Variants in FBLN7 observed in about 807,000 individuals in gnomAD.
The protein encoded by FBLN7 is fibulin-7.
Under a neutral mutation model 44.0 loss-of-function variants are expected in FBLN7, and 31 were observed. The ratio of observed to expected loss-of-function variants is 0.70; its 90% confidence interval spans 0.53 to 0.95. The LOEUF (loss-of-function observed/expected upper bound fraction) is 0.95. FBLN7 is among the 40% of genes least tolerant of loss of function. The pLI is 0.00. For missense variants in FBLN7, 573 were observed against 618.5 expected (o/e 0.93, Z 0.78); for synonymous variants, 262 against 253.4 (o/e 1.03, Z -0.32).
chr2:112,192,180 G>T (rs769430359), downstream of FBLN7, among the ~76,000 whole-genome samples: 1 of 152,088 alleles, frequency 6.6e-6, no homozygotes, highest in African/African-American at 2.4e-5. Context: ...CTAGCCCTTT[G>T]CTATTAAAAA....
At chr2:112,206,665 C>T in the FBLN7 span, among the ~76,000 whole-genome samples, 1 of 151,798 alleles carries the variant, frequency 6.6e-6, no homozygotes, top group Non-Finnish European at 1.5e-5. Context: ...TGCCCTTGGC[C>T]TCCCAAAGTG....
At chr2:112,226,064 A>G in the FBLN7 span, among the ~76,000 whole-genome samples, 1 of 152,138 alleles carries the variant, frequency 6.6e-6, no homozygotes, top group Admixed American at 6.5e-5. Context: ...CCTAGGCAAC[A>G]GAGCAAGACT....
intron 1 of FBLN7, among the ~76,000 whole-genome samples, chr2:112,146,718 G>GT (rs766096559): frequency 5.1e-4 from 78 of 151,822 alleles, no homozygotes; most frequent in African/African-American, 1.0e-3. Flanking sequence ...ATTTCCAGGG[G>GT]TTTTTTTACA....
the FBLN7 span, among the ~76,000 whole-genome samples, chr2:112,235,421 T>C: frequency 9.9e-5 from 15 of 152,154 alleles, no homozygotes; most frequent in South Asian, 2.1e-4. Flanking sequence ...TGACAGGGGG[T>C]TGAGAAACAA....
chr2:112,202,408 A>G, the FBLN7 span, among the ~76,000 whole-genome samples: 1 of 151,316 alleles, frequency 6.6e-6, no homozygotes, highest in Admixed American at 6.6e-5. Flanking sequence ...TTTATATATT[A>G]CATATATAGA....
the FBLN7 span, among the ~76,000 whole-genome samples, chr2:112,239,349 A>G: frequency 6.6e-6 from 1 of 152,338 alleles, no homozygotes; most frequent in East Asian, 1.9e-4. Context: ...CAGAAAGTTT[A>G]TTTTTAAAAA....
At chr2:112,163,516 C>T (rs921677830) in intron 2 of FBLN7, among the ~76,000 whole-genome samples, 6 of 152,256 alleles carry the variant, frequency 3.9e-5, no homozygotes, top group African/African-American at 7.2e-5. Flanking sequence ...GTCGCCCATG[C>T]GTGATGCTCT....
the FBLN7 span, chr2:112,234,268 A>G: frequency 7.0e-7 from 1 of 1,431,614 alleles, no homozygotes; most frequent in South Asian, 1.3e-5. Context: ...AACTAAATGT[A>G]AGAAACAGAA....
chr2:112,229,273 G>A, the FBLN7 span, among the ~76,000 whole-genome samples: 1 of 152,140 alleles, frequency 6.6e-6, no homozygotes. Context: ...ACAAAAATAA[G>A]AATGATATGA....
chr2:112,143,075 G>A (rs1015332121), intron 1 of FBLN7, among the ~76,000 whole-genome samples: 10 of 152,160 alleles, frequency 6.6e-5, no homozygotes, highest in African/African-American at 2.4e-4. Context: ...GCTCTCCTCT[G>A]TGGCTATCCA....
At chr2:112,166,957 C>A (rs774296489) in intron 3 of FBLN7, among the ~76,000 whole-genome samples, 16 of 152,312 alleles carry the variant, frequency 1.1e-4, no homozygotes, top group Admixed American at 1.3e-4. Flanking sequence ...GTTGACAAGG[C>A]CTTCTTATCG....
the FBLN7 span, among the ~76,000 whole-genome samples, chr2:112,225,754 T>C: frequency 6.6e-6 from 1 of 152,092 alleles, no homozygotes; most frequent in East Asian, 1.9e-4. Context: ...GAGACGGAAG[T>C]TGCAGTGAGC....
downstream of FBLN7, among the ~76,000 whole-genome samples, chr2:112,191,112 G>A (rs796935838): frequency 3.3e-5 from 5 of 152,090 alleles, no homozygotes. Flanking sequence ...GAGTAGCTGG[G>A]ACTACAGGTC....
In FBLN7 at chr2:112,187,357, C is replaced by T. The variant is rs374169244; in HGVS notation, c.1171C>T (p.Arg391Trp). 41 of 1,614,048 alleles carry T rather than the reference C, an allele frequency of 2.5e-5. No homozygotes were observed. Among genetic ancestry groups the T allele is most frequent in the Admixed American group, 5.0e-5 (3 of 60,008 alleles). The change falls in exon 8 of 8, where the codon CGG (arginine) becomes TGG (tryptophan). Residue 391 changes from arginine to tryptophan, a missense_variant. Arg to Trp is a moderately radical substitution (Grantham distance 101). Transcript: ENST00000331203. This position sits in a 1 kb window ranked among gnomAD's most constrained non-coding sequence, Gnocchi z 5.1. ...CCACTTTGTGATGCAGCGTTCAGAC[C>T]GGCAGACTGGGGATCTGATCCTTGT... The part of the protein sequence containing the change: ...RGHFVMQRSD[R>W]QTGDLILVQN...
chr2:112,209,318 G>A, the FBLN7 span, among the ~76,000 whole-genome samples: 20 of 152,226 alleles, frequency 1.3e-4, 1 homozygote, highest in African/African-American at 4.8e-4. Context: ...GTTTTAGTAC[G>A]AAGAGTGCTT....
chr2:112,140,668 A>G (rs1680597781), intron 1 of FBLN7, among the ~76,000 whole-genome samples: 1 of 152,126 alleles, frequency 6.6e-6, no homozygotes, highest in African/African-American at 2.4e-5. Flanking sequence ...GCTCCAGGTC[A>G]CCTAATTAGC....
intron 4 of FBLN7, 53 bp downstream of exon 4, chr2:112,175,892 G>A (rs1344053530): frequency 1.9e-6 from 3 of 1,590,330 alleles, no homozygotes; most frequent in African/African-American, 1.3e-5. Flanking sequence ...GGGAGAGGAG[G>A]ACCCTAGGCA....
intron 2 of FBLN7, among the ~76,000 whole-genome samples, 155 bp from the exon 3 acceptor site, chr2:112,164,846 A>G (rs889045625): frequency 3.9e-5 from 6 of 152,184 alleles, no homozygotes; most frequent in Non-Finnish European, 7.3e-5. Flanking sequence ...TGAGGACTTG[A>G]TGAGACGCAG....
Position 112,165,032 on chromosome 2 carries a change from C to T in FBLN7, c.267C>T (p.Asp89=), listed in dbSNP as rs368980413. Residue 89 remains aspartate, a synonymous_variant, in exon 3 of 8, where the codon GAC becomes GAT. Coordinates refer to ENST00000331203, the MANE Select transcript of FBLN7 (RefSeq NM_153214.3). The part of the protein sequence containing the change: ...VSCPALNTPA[D]GRKFGSKYLV... ...GCCCGGCTCTGAACACCCCCGCAGA[C>T]GGCAGAAAGTTTGGAAGCAAGTACT... 83 of 1,614,012 alleles carry T rather than the reference C, an allele frequency of 5.1e-5. No homozygotes were observed. The highest frequency in any genetic ancestry group is 3.1e-4 in the African/African-American group (23 of 74,894).
Sources: gnomAD v4.1 joint callset for allele counts (sites outside exome capture counted in the v4.1 genomes callset) on GRCh38, gnomAD v4.1.1 for gene constraint, Gnocchi (gnomAD v3.1) non-coding constraint, MANE v1.5 for transcripts, NCBI Gene and HGNC (gene_info 2026-07-23, HGNC 2026-07-21) for gene names.